Variants in ZW10 observed in about 807,000 individuals in gnomAD.
The protein encoded by ZW10 is centromere/kinetochore protein zw10 homolog.
In ZW10, 53 loss-of-function variants were observed where a neutral mutation model predicts 87.8. That is an observed-to-expected ratio of 0.60 (90% CI 0.48 to 0.76). The LOEUF is 0.76. Ranked by LOEUF, ZW10 falls within the 30% of genes least tolerant of loss-of-function variation. ZW10 has a pLI of 0.00. For synonymous variants in ZW10, 312 were observed against 329.2 expected (o/e 0.95, Z 0.57); for missense variants, 837 against 923.0 (o/e 0.91, Z 1.21).
intron 1 of ZW10, among the ~76,000 whole-genome samples, chr11:113,770,821 CAAAAAAGAAAAAAAAA>C (rs1953956740): frequency 7.9e-6 from 1 of 125,888 alleles, no homozygotes; most frequent in African/African-American, 3.1e-5. Flanking sequence ...GACTCTACCT[CAAAAAAGAAAAAAAAA>C]AAAAAAGAAA....
intron 2 of ZW10, among the ~76,000 whole-genome samples, chr11:113,762,476 A>G (rs1388778243): frequency 6.6e-6 from 1 of 152,150 alleles, no homozygotes; most frequent in Non-Finnish European, 1.5e-5. Flanking sequence ...TTTCTTCATA[A>G]TAAATTAACA....
At chr11:113,766,733 G>A (rs73551158) in intron 2 of ZW10, among the ~76,000 whole-genome samples, 2,689 of 120,026 alleles carry the variant, frequency 0.022, 87 homozygotes, top group African/African-American at 0.077. Context: ...AAAAATCCAT[G>A]AGGCTGGGTA....
chr11:113,741,779 ATAGACT>A lies in ZW10; in HGVS notation c.1512-20_1512-15del. ...AGTTGAACAGCACTAAAAAGAAAACATAGACTTAACAGAAATGCCTAAGAATACACT... is the reference window on the plus strand; with the variant it reads ...AGTTGAACAGCACTAAAAAGAAAACATAACAGAAATGCCTAAGAATACACT... On this transcript the variant is annotated splice_polypyrimidine_tract_variant and intron_variant, in intron 10 of 15. Transcript: ENST00000200135. 1 of 1,587,326 alleles carries A rather than the reference ATAGACT, an allele frequency of 6.3e-7. No individual in the cohort carries two copies. The highest frequency in any genetic ancestry group is 8.6e-7 in the Non-Finnish European group (1 of 1,164,126).
intron 9 of ZW10, among the ~76,000 whole-genome samples, chr11:113,744,951 AC>A (rs1953664332): frequency 6.6e-6 from 1 of 152,174 alleles, no homozygotes; most frequent in African/African-American, 2.4e-5. Flanking sequence ...TCTGTCTCAT[AC>A]TAGACTATTA....
intron 6 of ZW10, 53 bp from the exon 7 acceptor site, chr11:113,757,906 CCAGGCA>C: frequency 6.9e-7 from 1 of 1,444,614 alleles, no homozygotes; most frequent in Non-Finnish European, 9.3e-7. Context: ...CACTTCTAGG[CCAGGCA>C]CAGTGGCTTA....
intron 12 of ZW10, among the ~76,000 whole-genome samples, chr11:113,739,000 G>A (rs1021951476): frequency 5.9e-5 from 9 of 152,078 alleles, no homozygotes; most frequent in African/African-American, 1.9e-4. Flanking sequence ...ATGAAATCAT[G>A]TTACAAAAAA....
intron 11 of ZW10, among the ~76,000 whole-genome samples, chr11:113,741,257 A>G (rs1458357688): frequency 6.6e-6 from 1 of 152,156 alleles, no homozygotes; most frequent in African/African-American, 2.4e-5. Context: ...TGGGATTACA[A>G]GTGTGAGCCA....
intron 7 of ZW10, among the ~76,000 whole-genome samples, chr11:113,752,443 C>G: frequency 6.6e-6 from 1 of 152,172 alleles, no homozygotes; most frequent in East Asian, 1.9e-4. Flanking sequence ...TTCACAGATA[C>G]TGGTTTTTGG....
intron 5 of ZW10, among the ~76,000 whole-genome samples, chr11:113,759,094 G>T (rs1247461318): frequency 6.6e-6 from 1 of 152,156 alleles, no homozygotes; most frequent in Non-Finnish European, 1.5e-5. Flanking sequence ...AGTAGTTGGG[G>T]CTGAGGCAGA....
At chr11:113,741,618 AATT>A in intron 11 of ZW10, 73 bp downstream of exon 11, 1 of 953,818 alleles carries the variant, frequency 1.0e-6, no homozygotes, top group Non-Finnish European at 1.5e-6. Context: ...GGGAATATAA[AATT>A]ATTTGTTTTA....
At chr11:113,769,086 T>A (rs980832359) in intron 1 of ZW10, 119 bp from the exon 2 acceptor site, 1 of 993,314 alleles carries the variant, frequency 1.0e-6, no homozygotes, top group African/African-American at 1.6e-5. Context: ...CAATTGCCTA[T>A]ACCCATTCAC....
chr11:113,772,128 C>CA (rs1953973673), intron 1 of ZW10, among the ~76,000 whole-genome samples: 1 of 151,714 alleles, frequency 6.6e-6, no homozygotes, highest in Non-Finnish European at 1.5e-5. Context: ...GGAAAAATGG[C>CA]AACATAAGCA....
At chr11:113,734,868 A>G (rs1347815535) in intron 15 of ZW10, among the ~76,000 whole-genome samples, 2 of 152,126 alleles carry the variant, frequency 1.3e-5, no homozygotes, top group Admixed American at 6.6e-5. Flanking sequence ...AGCAAGTTAC[A>G]GATGATTCTA....
At chr11:113,756,287 A>G (rs1416961395) in intron 7 of ZW10, among the ~76,000 whole-genome samples, 2 of 152,248 alleles carry the variant, frequency 1.3e-5, no homozygotes, top group Non-Finnish European at 2.9e-5. Context: ...CCAATACCAG[A>G]AGAGCAATGA....
In ZW10 at chr11:113,759,591, CACA is replaced by C. The variant is rs1953835087; in HGVS notation, c.580+615_580+617del. On this transcript the variant is annotated intron_variant, in intron 5 of 15. Transcript: ENST00000200135. ...GAAGTTTTACTCTCAGGGCAAACAA[CACA>C]CCAAAGAGGGCTCATACCCAGAGGT... 2.6e-5 allele frequency among the ~76,000 whole-genome samples: 4 copies of C among 152,196 alleles called. No homozygotes were observed. In the South Asian group the frequency reaches 8.3e-4, roughly 31 times the overall value.
chr11:113,764,846 CCT>C (rs1953895365), intron 2 of ZW10, among the ~76,000 whole-genome samples: 1 of 152,184 alleles, frequency 6.6e-6, no homozygotes, highest in African/African-American at 2.4e-5. Context: ...TACTGATTTT[CCT>C]CTTAGTTCTC....
intron 1 of ZW10, among the ~76,000 whole-genome samples, chr11:113,772,046 AT>A (rs555360085): frequency 6.6e-6 from 1 of 151,774 alleles, no homozygotes; most frequent in Non-Finnish European, 1.5e-5. Flanking sequence ...GAAGATAAAG[AT>A]TTTTTTTTAT....
chr11:113,760,101 A>T, intron 5 of ZW10, 108 bp downstream of exon 5: 1 of 1,323,838 alleles, frequency 7.6e-7, no homozygotes, highest in Non-Finnish European at 1.0e-6. Flanking sequence ...CAGACATGGA[A>T]GATTATGAAT....
intron 13 of ZW10, 77 bp from the exon 14 acceptor site, chr11:113,737,780 G>T: frequency 6.8e-7 from 1 of 1,480,888 alleles, no homozygotes; most frequent in Non-Finnish European, 9.1e-7. Flanking sequence ...TTTATCATTT[G>T]TGAGTTCATT....
Sources: allele counts gnomAD v4.1 joint callset (sites outside exome capture counted in the v4.1 genomes callset), GRCh38; gene constraint gnomAD v4.1.1; transcripts MANE v1.5; gene names NCBI Gene and HGNC (gene_info 2026-07-23, HGNC 2026-07-21).